Variants in DOT1L observed in about 807,000 individuals in gnomAD.
DOT1L encodes the protein histone-lysine N-methyltransferase, H3 lysine-79 specific.
A neutral mutation model predicts 153.3 loss-of-function variants in DOT1L; 33 were observed. That is an observed-to-expected ratio of 0.22 (90% CI 0.16 to 0.29). DOT1L has a LOEUF of 0.29. DOT1L is among the 10% of genes least tolerant of loss of function. The pLI is 1.00. For synonymous variants in DOT1L, 1,135 were observed against 965.1 expected, an observed-to-expected ratio of 1.18 and a Z score of -3.26; for missense variants, 1,847 against 2,119.9, an observed-to-expected ratio of 0.87 and a Z score of 2.53.
At chr19:2,196,254 C>T (rs2023015830) in intron 7 of DOT1L, among the ~76,000 whole-genome samples, 1 of 152,272 alleles carries the variant, frequency 6.6e-6, no homozygotes, top group Non-Finnish European at 1.5e-5. Flanking sequence ...CCAACTGGCT[C>T]TGCCTTGGGC....
chr19:2,184,220 G>A (rs1401977997), intron 2 of DOT1L, among the ~76,000 whole-genome samples: 2 of 152,164 alleles, frequency 1.3e-5, no homozygotes, highest in Admixed American at 6.6e-5. Context: ...TCGGGGCCTC[G>A]CTCGGTGCCT....
intron 25 of DOT1L, among the ~76,000 whole-genome samples, chr19:2,224,113 G>T (rs570742850): frequency 6.6e-6 from 1 of 152,334 alleles, no homozygotes; most frequent in African/African-American, 2.4e-5. Flanking sequence ...TGAGCGTGAC[G>T]TCCTCAAGGT....
chr19:2,213,254 CG>C (rs2023776062), intron 16 of DOT1L: 1 of 362,268 alleles, frequency 2.8e-6, no homozygotes, highest in Non-Finnish European at 5.1e-6. Context: ...TGGCATTGGC[CG>C]GCCTCTGCGT....
intron 26 of DOT1L, among the ~76,000 whole-genome samples, 170 bp from the exon 27 acceptor site, chr19:2,226,013 C>T (rs567397340): frequency 1.3e-5 from 2 of 152,130 alleles, no homozygotes; most frequent in South Asian, 2.1e-4. Flanking sequence ...TGTCCCCTCC[C>T]GTCCCCTTCC....
chr19:2,190,936 A>C lies in DOT1L; in HGVS notation c.265-76A>C. 1 of 1,379,816 alleles carries C rather than the reference A, an allele frequency of 7.2e-7. No individual in the cohort carries two copies. The highest frequency in any genetic ancestry group is 9.8e-7 in the Non-Finnish European group (1 of 1,019,488). 85.5% of individuals were successfully genotyped at this position (1,379,816 alleles called of 1,614,324 possible). On this transcript the variant is annotated intron_variant, in intron 4 of 27. Coordinates refer to ENST00000398665, the MANE Select transcript of DOT1L (RefSeq NM_032482.3). This position sits in a 1 kb window ranked among gnomAD's most constrained non-coding sequence, Gnocchi z 4.8. ...GCCGACTCCCTGCTTCCGCTGGGAA[A>C]GGTCCCGGGTCTTGGTGGTGGAGGG...
intron 8 of DOT1L, among the ~76,000 whole-genome samples, chr19:2,201,289 G>A (rs1414707470): frequency 8.4e-6 from 1 of 119,364 alleles, no homozygotes; most frequent in African/African-American, 3.3e-5. Context: ...CCCCATGCCC[G>A]TCATCCTCCC....
intron 3 of DOT1L, chr19:2,188,241 T>G (rs1323332319): frequency 6.6e-6 from 1 of 152,354 alleles, no homozygotes; most frequent in Non-Finnish European, 1.5e-5. Context: ...GAGCACTGGT[T>G]TTCCTATGAG....
At position 2,230,576 on chromosome 19, in the gene DOT1L, G is replaced by A. The variant is rs548054763; in HGVS notation, c.*784G>A. 13 of 398,614 alleles carry A rather than the reference G, an allele frequency of 3.3e-5. No individual in the cohort carries two copies. The highest frequency in any genetic ancestry group is 4.9e-5 in the Non-Finnish European group (11 of 226,122). The allele number at this position is 398,614 out of a possible 1,614,324, so 24.7% of individuals were successfully genotyped here. A position where few individuals can be genotyped will look rare whatever the true frequency, so the allele number is the denominator to read the frequency against. On this transcript the variant is annotated 3_prime_UTR_variant, in exon 28 of 28. Coordinates refer to ENST00000398665, the MANE Select transcript of DOT1L (RefSeq NM_032482.3). The stretch of plus-strand genomic sequence containing the variant: ...GTCCATGGCTCGCAGCATGCCCTGC[G>A]ATGCGGGGCAGGCCTGTCGTGGGTC...
chr19:2,173,000 G>A (rs990482542), intron 1 of DOT1L, among the ~76,000 whole-genome samples: 3 of 151,430 alleles, frequency 2.0e-5, no homozygotes, highest in Admixed American at 1.3e-4. Flanking sequence ...AAGTTCACCC[G>A]TTTTAAGTGT....
intron 1 of DOT1L, among the ~76,000 whole-genome samples, chr19:2,170,377 CG>C (rs1568325294): frequency 6.6e-6 from 1 of 152,184 alleles, no homozygotes; most frequent in Non-Finnish European, 1.5e-5. Context: ...TCACTGGGCA[CG>C]GACTGCTTGG....
rs2023591924 is a variant in DOT1L, at chr19:2,208,539, T to A, written c.964-396T>A. On this transcript the variant is annotated intron_variant, in intron 11 of 27. Transcript: ENST00000398665. The surrounding 1 kb of genome is among the most constrained non-coding windows in gnomAD (Gnocchi z 4.4). ...CTTGGCCTACCGTGCGGCCCCCACC[T>A]CCACGCAGTGCTGCTGCTTCAGCTG... Among the ~76,000 whole-genome samples, 1 of 152,162 alleles carries A rather than the reference T, an allele frequency of 6.6e-6. No homozygotes were observed. The highest frequency in any genetic ancestry group is 6.5e-5 in the Admixed American group (1 of 15,276).
Position 2,228,077 on chromosome 19 carries a change from C to T in DOT1L, c.4606+950C>T, listed in dbSNP as rs768518158. 2.2e-5 allele frequency: 29 copies of T among 1,330,108 alleles called. No homozygotes were observed. The South Asian group carries it at 3.3e-4, about 15-fold the overall frequency. 82.4% of individuals were successfully genotyped at this position (1,330,108 alleles called of 1,614,324 possible). A position where few individuals can be genotyped will look rare whatever the true frequency, so the allele number is the denominator to read the frequency against. ...CCGCGCTTCTGCAGAGCCTCGCGTC[C>T]CTCCCGCCTAACCAAGCTTTCTTGC... is the stretch of plus-strand genomic sequence containing the variant. On this transcript the variant is annotated intron_variant, in intron 27 of 27. Transcript: ENST00000398665.
intron 1 of DOT1L, among the ~76,000 whole-genome samples, chr19:2,174,573 C>G (rs2021816464): frequency 6.6e-6 from 1 of 152,164 alleles, no homozygotes; most frequent in African/African-American, 2.4e-5. Flanking sequence ...GTAATCCCAG[C>G]TACTTGGGAG....
rs2022735939 is a variant in DOT1L at position 2,190,287 on chromosome 19, G to A, written c.264+492G>A. Among the ~76,000 whole-genome samples the A allele has an allele frequency of 6.6e-6, 1 of 152,178 alleles. No homozygotes were observed. Among genetic ancestry groups the A allele is most frequent in the Admixed American group, 6.5e-5 (1 of 15,282 alleles). The stretch of plus-strand genomic sequence containing the variant: ...GCACACAGTGAGCTGGGGTGTAGCA[G>A]GGAGGGGAACGTGCTGCTTCCCATG... On this transcript the variant is annotated intron_variant, in intron 4 of 27. Coordinates refer to ENST00000398665, the MANE Select transcript of DOT1L (RefSeq NM_032482.3). The surrounding 1 kb of genome is among the most constrained non-coding windows in gnomAD (Gnocchi z 4.8).
At position 2,226,694 on chromosome 19, in the gene DOT1L, G is replaced by T; in HGVS notation, c.4173G>T (p.Glu1391Asp). Residue 1391 changes from glutamate (E) to aspartate (D), a missense_variant, in exon 27 of 28, where the codon GAG (glutamate) becomes GAT (aspartate). Transcript: ENST00000398665. ...GEGSRGKEAG[E>D]GGLPLCGPTD... ...GCAGCCGCGGCAAGGAGGCAGGGGA[G>T]GGCGGCCTACCGCTGTGCGGGCCCA... 1.9e-6 allele frequency: 3 copies of T among 1,572,884 alleles called. No individual in the cohort carries two copies. The highest frequency in any genetic ancestry group is 2.6e-6 in the Non-Finnish European group (3 of 1,163,870).
rs1163078405 is a variant in DOT1L at position 2,226,909 on chromosome 19, C to T, written c.4388C>T (p.Ser1463Phe). 6.3e-7 allele frequency: 1 copy of T among 1,578,324 alleles called. No individual in the cohort carries two copies. The highest frequency in any genetic ancestry group is 1.1e-5 in the South Asian group (1 of 88,510). The change falls in exon 27 of 28, where the codon TCC (serine) becomes TTC (phenylalanine). Residue 1463 changes from serine to phenylalanine, a missense_variant. Ser to Phe is a radical substitution (Grantham distance 155). Transcript: ENST00000398665. ...GAASSAQTHR[S>F]FLGPFPPGPQ... Reference sequence around the variant, plus strand: ...GCGTCCTCCGCCCAGACGCACCGGTCCTTCCTGGGCCCCTTCCCGCCGGGA... The same window carrying T: ...GCGTCCTCCGCCCAGACGCACCGGTTCTTCCTGGGCCCCTTCCCGCCGGGA...
Position 2,230,138 on chromosome 19 carries a change from G to A in DOT1L, c.*346G>A, listed in dbSNP as rs1031985970. Reference sequence around the variant, plus strand: ...GTGTCTGCAGGGCGGGCCCGCCAGCGGATTCGCCACAGCCTGCCCCGGTGC... The same window carrying A: ...GTGTCTGCAGGGCGGGCCCGCCAGCAGATTCGCCACAGCCTGCCCCGGTGC... On this transcript the variant is annotated 3_prime_UTR_variant, in exon 28 of 28. Coordinates refer to ENST00000398665, the MANE Select transcript of DOT1L (RefSeq NM_032482.3). 24 of 513,648 alleles carry A rather than the reference G, an allele frequency of 4.7e-5. No homozygotes were observed. Among genetic ancestry groups the A allele is most frequent in the South Asian group, 1.2e-4 (4 of 32,886 alleles). The allele number at this position is 513,648 out of a possible 1,614,324, so 31.8% of individuals were successfully genotyped here. A position where few individuals can be genotyped will look rare whatever the true frequency, so the allele number is the denominator to read the frequency against.
chr19:2,216,374 C>T lies in DOT1L; in HGVS notation c.2017C>T (p.Leu673=), dbSNP rs1413547646. ...GCCTGACGACGCCCTGTCCCTGCAC[C>T]TGCGTGGGAAGGGCGCCCTGGGCCG... The part of the protein sequence containing the change: ...VPPDDALSLH[L]RGKGALGREL... Residue 673 remains leucine (L), a synonymous_variant, in exon 20 of 28, where the codon CTG becomes TTG. Transcript: ENST00000398665. The T allele has an allele frequency of 6.2e-7, 1 of 1,612,402 alleles. No individual in the cohort carries two copies. Among genetic ancestry groups the T allele is most frequent in the Non-Finnish European group, 8.5e-7 (1 of 1,179,754 alleles).
chr19:2,227,175 A>T (rs1177425040), intron 27 of DOT1L, 48 bp downstream of exon 27: 5 of 1,577,184 alleles, frequency 3.2e-6, no homozygotes, highest in African/African-American at 1.4e-5. Context: ...CCCCCGCCGG[A>T]GGCCCCTTCC....
Sources: gnomAD v4.1 joint callset for allele counts (sites outside exome capture counted in the v4.1 genomes callset) on GRCh38, gnomAD v4.1.1 for gene constraint, Gnocchi (gnomAD v3.1) non-coding constraint, MANE v1.5 for transcripts, NCBI Gene and HGNC (gene_info 2026-07-23, HGNC 2026-07-21) for gene names.